CIRSR: variants seen among roughly 807,000 people sequenced by gnomAD.
CIRSR encodes corepressor of RBPJ and splicing regulator, also known as CBF1 (RBPJ) interacting corepressor 1.
At chr2:174,388,224 G>A in the CIRSR span, among the ~76,000 whole-genome samples, 6 of 152,100 alleles carry the variant, frequency 3.9e-5, no homozygotes, top group East Asian at 3.8e-4. Context: ...TTTTTGAGAC[G>A]AAGTCTGGCT....
the CIRSR span, among the ~76,000 whole-genome samples, chr2:174,365,623 T>C: frequency 1.3e-5 from 2 of 152,222 alleles, no homozygotes; most frequent in Admixed American, 6.5e-5. Context: ...GCAAGTCACA[T>C]CTTTCATGGA....
At chr2:174,379,090 C>T in the CIRSR span, 18 of 1,277,270 alleles carry the variant, frequency 1.4e-5, no homozygotes, top group African/African-American at 2.0e-4. Context: ...AAGAATCTAA[C>T]CAATGTTCAA....
chr2:174,381,603 G>T, the CIRSR span: 1 of 800,052 alleles, frequency 1.2e-6, no homozygotes, highest in Non-Finnish European at 2.0e-6. Flanking sequence ...GTTGTAGTGT[G>T]CTGAGATGGC....
the CIRSR span, among the ~76,000 whole-genome samples, chr2:174,376,702 G>C: frequency 6.6e-6 from 1 of 151,564 alleles, no homozygotes; most frequent in East Asian, 1.9e-4. Context: ...GGAGGCTGAG[G>C]CAGGAGAACG....
the CIRSR span, among the ~76,000 whole-genome samples, chr2:174,376,816 A>C: frequency 1.6e-4 from 23 of 146,704 alleles, no homozygotes; most frequent in African/African-American, 5.6e-4. Context: ...AAAAAAAAAA[A>C]AAAAGAAAGA....
At chr2:174,361,885 T>G in the CIRSR span, among the ~76,000 whole-genome samples, 1 of 152,210 alleles carries the variant, frequency 6.6e-6, no homozygotes, top group Admixed American at 6.5e-5. Context: ...TGTATATGTA[T>G]AGTGTATCTG....
the CIRSR span, among the ~76,000 whole-genome samples, chr2:174,362,837 G>T: frequency 6.6e-6 from 1 of 151,996 alleles, no homozygotes; most frequent in Non-Finnish European, 1.5e-5. Flanking sequence ...GCCAGCCATT[G>T]GTAGGAATAC....
At chr2:174,380,476 A>G in the CIRSR span, among the ~76,000 whole-genome samples, 48 of 152,094 alleles carry the variant, frequency 3.2e-4, no homozygotes, top group African/African-American at 1.2e-3. Context: ...AGTATATAAA[A>G]CAAAAGACTA....
chr2:174,348,653 CTT>C, the CIRSR span: 1 of 1,614,208 alleles, frequency 6.2e-7, no homozygotes, highest in South Asian at 1.1e-5. Flanking sequence ...TCTCCCTTTG[CTT>C]GTAACTACCA....
At chr2:174,355,995 A>T in the CIRSR span, among the ~76,000 whole-genome samples, 1 of 152,078 alleles carries the variant, frequency 6.6e-6, no homozygotes, top group African/African-American at 2.4e-5. Context: ...GATGGTCTTG[A>T]TCTCCTGACC....
the CIRSR span, among the ~76,000 whole-genome samples, chr2:174,388,791 A>G: frequency 6.6e-6 from 1 of 152,314 alleles, no homozygotes; most frequent in Middle Eastern, 3.4e-3. Context: ...ATCTTGAATC[A>G]TAGTTCCCAT....
At chr2:174,375,789 T>A in the CIRSR span, among the ~76,000 whole-genome samples, 1 of 152,364 alleles carries the variant, frequency 6.6e-6, no homozygotes, top group Admixed American at 6.5e-5. Context: ...TCTGAATTCC[T>A]CCTTTTGTAA....
chr2:174,373,327 C>T, the CIRSR span, among the ~76,000 whole-genome samples: 6 of 152,122 alleles, frequency 3.9e-5, no homozygotes, highest in Non-Finnish European at 5.9e-5. Context: ...TTAATTCAGT[C>T]GGCTAGTTAT....
At chr2:174,369,405 C>T in the CIRSR span, among the ~76,000 whole-genome samples, 1 of 152,202 alleles carries the variant, frequency 6.6e-6, no homozygotes, top group Admixed American at 6.5e-5. Context: ...CTAAATTTTC[C>T]TCCATATCAG....
the CIRSR span, among the ~76,000 whole-genome samples, chr2:174,351,401 CAG>C: frequency 6.6e-6 from 1 of 152,154 alleles, no homozygotes; most frequent in African/African-American, 2.4e-5. Flanking sequence ...CACATAAACT[CAG>C]AGGAGCAGTT....
At chr2:174,367,450 G>A in the CIRSR span, among the ~76,000 whole-genome samples, 1 of 152,024 alleles carries the variant, frequency 6.6e-6, no homozygotes, top group Non-Finnish European at 1.5e-5. Flanking sequence ...TGTGGTGGGG[G>A]GCGCCTGTAG....
chr2:174,380,645 C>T, the CIRSR span: 2 of 1,607,300 alleles, frequency 1.2e-6, no homozygotes, highest in Non-Finnish European at 1.7e-6. Context: ...GTAAACCAGT[C>T]CTTACTTTTC....
At chr2:174,365,617 G>C in the CIRSR span, among the ~76,000 whole-genome samples, 1 of 152,222 alleles carries the variant, frequency 6.6e-6, no homozygotes, top group Non-Finnish European at 1.5e-5. Context: ...GGAGGAGCAA[G>C]TCACATCTTT....
the CIRSR span, among the ~76,000 whole-genome samples, chr2:174,371,335 G>A: frequency 1.1e-4 from 17 of 152,180 alleles, 1 homozygote; most frequent in South Asian, 3.1e-3. Flanking sequence ...ATCCCACTGT[G>A]GATTTAAAAA....
Sources: allele counts gnomAD v4.1 joint callset (sites outside exome capture counted in the v4.1 genomes callset), GRCh38; gene constraint gnomAD v4.1.1; transcripts MANE v1.5; gene names NCBI Gene and HGNC (gene_info 2026-07-23, HGNC 2026-07-21).